ZNF565: variants seen among roughly 807,000 people sequenced by gnomAD.
ZNF565 encodes the protein zinc finger protein 565.
ZNF565 carries 27 observed loss-of-function variants against 39.4 expected under a neutral mutation model. The ratio of observed to expected loss-of-function variants is 0.69; its 90% confidence interval spans 0.51 to 0.95. The LOEUF is 0.95. Among genes scored for constraint, ZNF565 ranks in the 40% least tolerant of loss-of-function variants. ZNF565 has a pLI of 0.00. For missense variants in ZNF565, 524 were observed against 621.1 expected (o/e 0.84, Z 1.66); for synonymous variants, 185 against 216.6 (o/e 0.85, Z 1.28).
intron 4 of ZNF565, among the ~76,000 whole-genome samples, chr19:36,190,193 G>A (rs62113092): frequency 0.19 from 28,490 of 152,108 alleles, 3,252 homozygotes; most frequent in East Asian, 0.39. Context: ...ACAGAATGTG[G>A]TAGGTGGGAT....
intron 4 of ZNF565, among the ~76,000 whole-genome samples, chr19:36,193,057 G>A (rs1346686409): frequency 2.0e-5 from 3 of 151,944 alleles, no homozygotes; most frequent in Non-Finnish European, 4.4e-5. Flanking sequence ...GTGCAGTGGT[G>A]TGATCTTGGC....
chr19:36,243,973 A>T (rs1977838929), intron 1 of ZNF565, among the ~76,000 whole-genome samples: 1 of 152,142 alleles, frequency 6.6e-6, no homozygotes, highest in Admixed American at 6.5e-5. Context: ...AAGTGCTGGG[A>T]TTACAGGTGT....
chr19:36,216,651 G>A (rs1489039247), upstream of ZNF565, among the ~76,000 whole-genome samples: 2 of 151,826 alleles, frequency 1.3e-5, no homozygotes, highest in Admixed American at 6.6e-5. Context: ...GCGAGATTCC[G>A]TCTCAATAAT....
chr19:36,217,684 A>G (rs10412832), upstream of ZNF565, among the ~76,000 whole-genome samples: 39,274 of 151,732 alleles, frequency 0.26, 5,482 homozygotes, highest in African/African-American at 0.37. Flanking sequence ...CAGGAGTTTG[A>G]GACCAGCGTG....
chr19:36,232,609 C>CTT (rs548903056), intron 1 of ZNF565, among the ~76,000 whole-genome samples: 57 of 140,054 alleles, frequency 4.1e-4, no homozygotes, highest in East Asian at 6.1e-4. Flanking sequence ...TTTCTTTTTT[C>CTT]TTTTTTTTTT....
At chr19:36,235,194 C>T (rs937360198) in intron 1 of ZNF565, among the ~76,000 whole-genome samples, 4 of 146,232 alleles carry the variant, frequency 2.7e-5, no homozygotes, top group East Asian at 2.1e-4. Flanking sequence ...GGATAACGAG[C>T]GAAATTCCGT....
intron 1 of ZNF565, among the ~76,000 whole-genome samples, chr19:36,211,001 CAA>C (rs58262673): frequency 3.3e-5 from 4 of 122,422 alleles, no homozygotes; most frequent in Admixed American, 8.5e-5. Context: ...ATAATTTGAG[CAA>C]AAAAAAAAAA....
At chr19:36,241,314 C>T (rs1274885659) in intron 1 of ZNF565, among the ~76,000 whole-genome samples, 1 of 149,524 alleles carries the variant, frequency 6.7e-6, no homozygotes, top group African/African-American at 2.5e-5. Flanking sequence ...CAAAACCCCG[C>T]CTCTACTAAA....
intron 4 of ZNF565, among the ~76,000 whole-genome samples, chr19:36,188,504 G>C (rs980652930): frequency 3.9e-5 from 6 of 152,030 alleles, no homozygotes; most frequent in African/African-American, 1.4e-4. Context: ...TTGAGGTCAG[G>C]AGTTCGAGAC....
upstream of ZNF565, among the ~76,000 whole-genome samples, chr19:36,216,898 A>C (rs1807917267): frequency 8.3e-6 from 1 of 121,066 alleles, no homozygotes; most frequent in African/African-American, 3.2e-5. Context: ...AGAGTCCAGG[A>C]GTTAGAGACC....
rs1975407507 is a variant in ZNF565, at chr19:36,188,673, C to T, written c.233-4940G>A. ...GTTGCAGTGAGCTGAGATCATGCCA[C>T]TACATTCCAGCCTGGGCAACAGAGT... is the stretch of plus-strand genomic sequence containing the variant. On this transcript the variant is annotated intron_variant, in intron 4 of 4. Transcript: ENST00000304116. 2.7e-5 allele frequency among the ~76,000 whole-genome samples: 4 copies of T among 147,224 alleles called. No individual in the cohort carries two copies. The South Asian group carries it at 8.7e-4, about 32-fold the overall frequency.
At chr19:36,191,377 G>T (rs1207554400) in intron 4 of ZNF565, among the ~76,000 whole-genome samples, 7 of 149,014 alleles carry the variant, frequency 4.7e-5, no homozygotes, top group African/African-American at 1.7e-4. Flanking sequence ...GGAGTGCAGT[G>T]GGGCAATCTC....
chr19:36,215,908 C>G (rs943152407), upstream of ZNF565, among the ~76,000 whole-genome samples: 4 of 152,106 alleles, frequency 2.6e-5, no homozygotes, highest in African/African-American at 9.7e-5. Flanking sequence ...CAGTGTTTAT[C>G]TATGAGTCTG....
intron 1 of ZNF565, among the ~76,000 whole-genome samples, chr19:36,209,853 T>C (rs2145362679): frequency 6.6e-6 from 1 of 152,120 alleles, no homozygotes; most frequent in Admixed American, 6.5e-5. Flanking sequence ...AATTACTTTT[T>C]ACACAGGACT....
intron 1 of ZNF565, among the ~76,000 whole-genome samples, chr19:36,227,699 C>T (rs1045419755): frequency 8.5e-5 from 13 of 152,146 alleles, no homozygotes; most frequent in African/African-American, 2.4e-4. Context: ...AGACTACAGG[C>T]GCACACCATT....
At chr19:36,200,350 A>T (rs1309921299) in intron 2 of ZNF565, among the ~76,000 whole-genome samples, 1 of 152,098 alleles carries the variant, frequency 6.6e-6, no homozygotes, top group East Asian at 1.9e-4. Context: ...ATATTTTAAC[A>T]ACAAATAAAC....
rs1976780685 is a variant in ZNF565, at chr19:36,220,342, G to A, written c.56-18292C>T. Among the ~76,000 whole-genome samples the A allele has an allele frequency of 1.8e-5, 2 of 113,866 alleles. 1 individual carries two copies. The highest frequency in any genetic ancestry group is 4.3e-5 in the Non-Finnish European group (2 of 46,084). The allele number at this position is 113,866 out of a possible 152,430, so 74.7% of individuals were successfully genotyped here. On this transcript the variant is annotated intron_variant, in intron 1 of 4. Coordinates refer to the ZNF565 transcript ENST00000355114. The stretch of plus-strand genomic sequence containing the variant: ...TATAGTATTTTTACCTAATTTCTTA[G>A]CTCCTAGTTCTTTTTTTTAATTTAA...
intron 1 of ZNF565, among the ~76,000 whole-genome samples, chr19:36,232,392 A>G (rs536161963): frequency 5.9e-4 from 90 of 151,960 alleles, no homozygotes; most frequent in African/African-American, 2.1e-3. Flanking sequence ...CTGCTTGTCC[A>G]TTACTTCATA....
chr19:36,217,692 G>A (rs149662756), upstream of ZNF565, among the ~76,000 whole-genome samples: 611 of 151,908 alleles, frequency 4.0e-3, 24 homozygotes, highest in East Asian at 0.051. Context: ...TGAGACCAGC[G>A]TGACCAACAT....
Sources: allele counts gnomAD v4.1 joint callset (sites outside exome capture counted in the v4.1 genomes callset), GRCh38; gene constraint gnomAD v4.1.1; transcripts MANE v1.5; gene names NCBI Gene and HGNC (gene_info 2026-07-23, HGNC 2026-07-21).